DLC1: variants seen among roughly 807,000 people sequenced by gnomAD.
The protein encoded by DLC1 is rho GTPase-activating protein 7.
In DLC1, 54 loss-of-function variants were observed where a neutral mutation model predicts 140.3. The observed-to-expected ratio is 0.38, with a 90% CI of 0.31 to 0.48. The LOEUF is 0.48. DLC1 is among the 20% of genes least tolerant of loss of function. The probability of loss-of-function intolerance (pLI) is 0.96; values close to 1 mark genes in which losing one functional copy is unlikely to be tolerated. For synonymous variants in DLC1, 986 were observed against 728.1 expected, an observed-to-expected ratio of 1.35 and a Z score of -5.70; for missense variants, 2,536 against 1,907.0, an observed-to-expected ratio of 1.33 and a Z score of -6.14.
intron 4 of DLC1, among the ~76,000 whole-genome samples, chr8:13,319,479 G>GA (rs202141458): frequency 8.6e-6 from 1 of 116,208 alleles, no homozygotes; most frequent in East Asian, 2.8e-4. Flanking sequence ...CGGGGCGGGG[G>GA]GGGGGGGTGG....
At chr8:13,428,257 C>A (rs2117379707) in intron 2 of DLC1, among the ~76,000 whole-genome samples, 1 of 152,186 alleles carries the variant, frequency 6.6e-6, no homozygotes, top group East Asian at 1.9e-4. Context: ...CTGATACAAT[C>A]ATAAATTCAT....
Position 13,382,529 on chromosome 8 carries a change from A to AAAG in DLC1, c.1314+11023_1314+11024insCTT, listed in dbSNP as rs1554509369. ...TCAAAAAAAAAAAAAAAAAAAAAAA[A>AAAG]AAAGAAAGAGGAGACAGATAAGCTA... is the stretch of plus-strand genomic sequence containing the variant. On this transcript the variant is annotated intron_variant, in intron 4 of 17. Transcript: ENST00000276297. Among the ~76,000 whole-genome samples, 828 of 109,408 alleles carry AAAG rather than the reference A, an allele frequency of 7.6e-3. 111 individuals are homozygous for AAAG. The highest frequency in any genetic ancestry group is 0.028 in the African/African-American group (787 of 28,156). 71.8% of individuals were successfully genotyped at this position (109,408 alleles called of 152,430 possible). A position where few individuals can be genotyped will look rare whatever the true frequency, so the allele number is the denominator to read the frequency against.
chr8:13,570,886 T>C (rs1804629719), intron 1 of DLC1, among the ~76,000 whole-genome samples: 1 of 152,162 alleles, frequency 6.6e-6, no homozygotes, highest in Non-Finnish European at 1.5e-5. Flanking sequence ...CATTCTAGAC[T>C]AACCTACCAG....
intron 2 of DLC1, among the ~76,000 whole-genome samples, chr8:13,471,110 A>G (rs528911370): frequency 6.6e-6 from 1 of 151,938 alleles, no homozygotes; most frequent in Admixed American, 6.6e-5. Flanking sequence ...AATAGTGAGT[A>G]GAATGGTGGC....
chr8:13,343,843 G>A (rs1216999431), intron 4 of DLC1, among the ~76,000 whole-genome samples: 1 of 152,114 alleles, frequency 6.6e-6, no homozygotes, highest in South Asian at 2.1e-4. Context: ...CTGGCCATTG[G>A]TCTGAAAATA....
At chr8:13,292,605 G>A (rs918268895) in intron 5 of DLC1, among the ~76,000 whole-genome samples, 1 of 152,022 alleles carries the variant, frequency 6.6e-6, no homozygotes, top group African/African-American at 2.4e-5. Flanking sequence ...TTGGGGTGCA[G>A]CCATCAGAGG....
At chr8:13,535,435 C>A (rs1412053846) in intron 1 of DLC1, among the ~76,000 whole-genome samples, 1 of 151,956 alleles carries the variant, frequency 6.6e-6, no homozygotes, top group Non-Finnish European at 1.5e-5. Flanking sequence ...AATGGAATCT[C>A]CTGCTCTACC....
At chr8:13,152,423 C>G (rs953438570) in intron 5 of DLC1, among the ~76,000 whole-genome samples, 2 of 152,128 alleles carry the variant, frequency 1.3e-5, no homozygotes, top group Admixed American at 1.3e-4. Context: ...AATGGTATCT[C>G]AATAAAGCTT....
chr8:13,446,201 A>G (rs572191034), intron 2 of DLC1, among the ~76,000 whole-genome samples: 4 of 152,340 alleles, frequency 2.6e-5, no homozygotes, highest in Admixed American at 6.5e-5. Context: ...GACTTTGCTC[A>G]TCAGGCTCTT....
intron 4 of DLC1, among the ~76,000 whole-genome samples, chr8:13,334,947 T>C (rs190052044): frequency 1.4e-4 from 21 of 152,308 alleles, no homozygotes. Context: ...CTATTGTGAC[T>C]GTTAAGGCTG....
intron 5 of DLC1, among the ~76,000 whole-genome samples, chr8:13,209,344 T>C (rs1206512206): frequency 2.0e-5 from 3 of 152,178 alleles, no homozygotes; most frequent in African/African-American, 4.8e-5. Flanking sequence ...ATAAACATAA[T>C]TCCTTTGGAG....
chr8:13,299,951 TA>T (rs1832118827), intron 5 of DLC1, among the ~76,000 whole-genome samples: 1 of 152,126 alleles, frequency 6.6e-6, no homozygotes, highest in Admixed American at 6.5e-5. Flanking sequence ...CAAAGGAGTA[TA>T]AATCATTCTA....
rs149287853 is a variant in DLC1, at chr8:13,160,648, C to T, written c.1349-44991G>A. ...CACCAGAATGATTTGGCTTCTAAACCGCAGAAAGCTTCATGCATCCTAGCT... is the reference window on the plus strand; with the variant it reads ...CACCAGAATGATTTGGCTTCTAAACTGCAGAAAGCTTCATGCATCCTAGCT... On this transcript the variant is annotated intron_variant, in intron 5 of 17. Coordinates refer to ENST00000276297, the MANE Select transcript of DLC1 (RefSeq NM_182643.3). 3.3e-3 allele frequency among the ~76,000 whole-genome samples: 501 copies of T among 152,278 alleles called. 1 individual carries two copies. The highest frequency in any genetic ancestry group is 0.011 in the African/African-American group (467 of 41,562).
In DLC1 at chr8:13,207,645, A is replaced by G. The variant is rs944302791; in HGVS notation, c.1349-91988T>C. 4.6e-5 allele frequency among the ~76,000 whole-genome samples: 7 copies of G among 152,150 alleles called. No homozygotes were observed. The South Asian group carries it at 6.2e-4, about 14-fold the overall frequency. On this transcript the variant is annotated intron_variant, in intron 5 of 17. Transcript: ENST00000276297. ...ACACCATATATTAGTGCAGTGTTACATGAACGTTATTTAGAGTAGTGGTTC... is the reference window on the plus strand; with the variant it reads ...ACACCATATATTAGTGCAGTGTTACGTGAACGTTATTTAGAGTAGTGGTTC...
chr8:13,220,717 A>G (rs1005141551), intron 5 of DLC1, among the ~76,000 whole-genome samples: 2 of 152,224 alleles, frequency 1.3e-5, no homozygotes, highest in Non-Finnish European at 2.9e-5. Flanking sequence ...TATTTTTTCT[A>G]TATCCAAAGT....
chr8:13,149,640 C>T (rs748206293), intron 5 of DLC1, among the ~76,000 whole-genome samples: 5 of 152,176 alleles, frequency 3.3e-5, no homozygotes, highest in Admixed American at 6.6e-5. Flanking sequence ...ATATTTTTCA[C>T]GTTCTCTTTT....
chr8:13,529,443 C>T (rs1218630283), intron 1 of DLC1, among the ~76,000 whole-genome samples: 2 of 152,144 alleles, frequency 1.3e-5, no homozygotes, highest in Non-Finnish European at 2.9e-5. Context: ...ACTCTAATGT[C>T]TGCTTTTCTG....
intron 2 of DLC1, among the ~76,000 whole-genome samples, chr8:13,446,531 A>G (rs1798782809): frequency 6.6e-6 from 1 of 151,988 alleles, no homozygotes; most frequent in Non-Finnish European, 1.5e-5. Context: ...CTTTGTGTAC[A>G]TAGAAAGAAG....
At chr8:13,095,918 A>G (rs546725214) in intron 10 of DLC1, 3 of 152,270 alleles carry the variant, frequency 2.0e-5, no homozygotes, top group African/African-American at 2.4e-5. Flanking sequence ...TGACCCGGAG[A>G]ACATTACATC....
Sources: gnomAD v4.1 joint callset for allele counts (sites outside exome capture counted in the v4.1 genomes callset) on GRCh38, gnomAD v4.1.1 for gene constraint, MANE v1.5 for transcripts, NCBI Gene and HGNC (gene_info 2026-07-23, HGNC 2026-07-21) for gene names.